The following MRPS28 variants were observed in gnomAD, a reference collection of about 807,000 sequenced individuals.
MRPS28 encodes the protein mitochondrial ribosomal protein S28.
Under a neutral mutation model 10.8 loss-of-function variants are expected in MRPS28, and 7 were observed. The ratio of observed to expected loss-of-function variants is 0.65; its 90% confidence interval spans 0.37 to 1.22. MRPS28 has a LOEUF of 1.22. MRPS28 is among the 50% of genes most tolerant of loss of function. The pLI, the probability that MRPS28 is intolerant of heterozygous loss-of-function variation, is 0.02. For synonymous variants in MRPS28, 121 were observed against 93.3 expected, an observed-to-expected ratio of 1.30 and a Z score of -1.71; for missense variants, 265 against 232.9, an observed-to-expected ratio of 1.14 and a Z score of -0.90.
chr8:79,997,872 C>T (rs962304312), intron 2 of MRPS28, among the ~76,000 whole-genome samples: 5 of 151,756 alleles, frequency 3.3e-5, no homozygotes, highest in African/African-American at 7.3e-5. Flanking sequence ...CTGGCCAACA[C>T]GGCAAAACCC....
At chr8:79,928,874 T>C (rs902613742) in intron 2 of MRPS28, among the ~76,000 whole-genome samples, 4 of 151,880 alleles carry the variant, frequency 2.6e-5, no homozygotes, top group Non-Finnish European at 5.9e-5. Flanking sequence ...AGTGAAACCC[T>C]GTCTCTACTA....
intron 2 of MRPS28, among the ~76,000 whole-genome samples, chr8:79,933,912 AC>A (rs1444218232): frequency 6.6e-6 from 1 of 152,230 alleles, no homozygotes; most frequent in Non-Finnish European, 1.5e-5. Context: ...TATTGTTTGC[AC>A]AGTTCATTTG....
intron 1 of MRPS28, among the ~76,000 whole-genome samples, chr8:80,010,640 T>C (rs932364115): frequency 2.0e-5 from 3 of 152,266 alleles, no homozygotes; most frequent in Admixed American, 1.3e-4. Context: ...TAAATACTTA[T>C]ATGCAGGGGG....
intron 2 of MRPS28, among the ~76,000 whole-genome samples, chr8:79,992,037 G>A (rs1027663493): frequency 6.6e-6 from 1 of 151,906 alleles, no homozygotes. Flanking sequence ...CATGTGCCAA[G>A]GAACTGAGGC....
chr8:79,968,282 C>T (rs368166673), intron 2 of MRPS28, among the ~76,000 whole-genome samples: 1 of 152,124 alleles, frequency 6.6e-6, no homozygotes. Flanking sequence ...CACATCCCTG[C>T]TTATAAGTCT....
intron 1 of MRPS28, among the ~76,000 whole-genome samples, chr8:80,028,390 T>C (rs1463932065): frequency 6.6e-6 from 1 of 152,046 alleles, no homozygotes; most frequent in Non-Finnish European, 1.5e-5. Flanking sequence ...CTAAAATCCA[T>C]CCCTTAGGTG....
At chr8:79,956,526 T>C (rs896149298) in intron 2 of MRPS28, 6 of 152,194 alleles carry the variant, frequency 3.9e-5, no homozygotes, top group African/African-American at 1.4e-4. Context: ...GAAGGTTTGT[T>C]ACATAGGTAA....
intron 1 of MRPS28, among the ~76,000 whole-genome samples, chr8:80,013,544 G>C (rs758707103): frequency 1.4e-5 from 2 of 141,804 alleles, no homozygotes; most frequent in Non-Finnish European, 3.0e-5. Flanking sequence ...TGAGGCAGGA[G>C]AATCACTTGA....
chr8:79,945,895 C>T (rs530143163), intron 2 of MRPS28, among the ~76,000 whole-genome samples: 1 of 152,192 alleles, frequency 6.6e-6, no homozygotes, highest in East Asian at 1.9e-4. Flanking sequence ...GTGCCAAATA[C>T]TATTTTAAGT....
chr8:80,019,322 C>T lies in MRPS28; in HGVS notation c.213+10714G>A, dbSNP rs115903555. On this transcript the variant is annotated intron_variant, in intron 1 of 2. Coordinates refer to ENST00000276585, the MANE Select transcript of MRPS28 (RefSeq NM_014018.3). ...TCGTGTGCCCCCTAAGCATATACACCTACTATGTACCCACAAAAATTAAAA... is the reference window on the plus strand; with the variant it reads ...TCGTGTGCCCCCTAAGCATATACACTTACTATGTACCCACAAAAATTAAAA... 3.0e-3 allele frequency among the ~76,000 whole-genome samples: 430 copies of T among 143,380 alleles called. 3 individuals are homozygous for T. The highest frequency in any genetic ancestry group is 0.01 in the African/African-American group (396 of 38,434). The allele number at this position is 143,380 out of a possible 152,430, so 94.1% of individuals were successfully genotyped here.
At chr8:79,979,803 C>T (rs975207473) in intron 2 of MRPS28, among the ~76,000 whole-genome samples, 1 of 149,008 alleles carries the variant, frequency 6.7e-6, no homozygotes, top group Admixed American at 6.9e-5. Context: ...AGCAGCCTTA[C>T]TGTACCATGC....
chr8:79,919,666 T>G (rs1345751437), intron 2 of MRPS28, among the ~76,000 whole-genome samples: 1 of 152,198 alleles, frequency 6.6e-6, no homozygotes, highest in Non-Finnish European at 1.5e-5. Context: ...CTTTAAAGAT[T>G]TTAAAACCAC....
chr8:79,987,579 A>G (rs1315817398), intron 2 of MRPS28, among the ~76,000 whole-genome samples: 1 of 152,220 alleles, frequency 6.6e-6, no homozygotes, highest in Non-Finnish European at 1.5e-5. Flanking sequence ...CAAATTTACA[A>G]GAAAAAATCA....
intron 2 of MRPS28, among the ~76,000 whole-genome samples, chr8:79,920,355 G>A (rs1385285626): frequency 1.3e-5 from 2 of 152,126 alleles, no homozygotes; most frequent in Admixed American, 1.3e-4. Context: ...AGATCCTTGA[G>A]GAATTGCCAC....
chr8:79,933,236 A>C (rs1806514278), intron 2 of MRPS28, among the ~76,000 whole-genome samples: 2 of 152,294 alleles, frequency 1.3e-5, no homozygotes, highest in East Asian at 3.9e-4. Context: ...GGCTCGGGCC[A>C]ATTCAATTTC....
At chr8:80,001,124 C>T (rs1808649830) in intron 2 of MRPS28, among the ~76,000 whole-genome samples, 1 of 152,220 alleles carries the variant, frequency 6.6e-6, no homozygotes, top group East Asian at 1.9e-4. Flanking sequence ...CAAAATATAT[C>T]TTTTTATAAA....
chr8:79,976,009 T>C (rs1807786479), intron 2 of MRPS28, among the ~76,000 whole-genome samples: 1 of 152,214 alleles, frequency 6.6e-6, no homozygotes, highest in African/African-American at 2.4e-5. Flanking sequence ...CATATGTTTA[T>C]TTGGGAAGGC....
intron 1 of MRPS28, among the ~76,000 whole-genome samples, chr8:80,018,250 C>T (rs543070073): frequency 9.1e-5 from 11 of 121,290 alleles, no homozygotes; most frequent in African/African-American, 2.9e-4. Flanking sequence ...GAGCCGAGAT[C>T]GTGCCACTGC....
In MRPS28 at chr8:80,030,178, C is replaced by G; in HGVS notation, c.71G>C (p.Arg24Thr). The change falls in exon 1 of 3, where the codon AGG (arginine) becomes ACG (threonine). Residue 24 changes from arginine to threonine, a missense_variant. By Grantham distance (71) the Arg-to-Thr change is moderately conservative (BLOSUM62 -1). Transcript: ENST00000276585. ...SHFLRVFLFF[R>T]PFRGVGTESG... ...CTCAGTGCCTACACCCCGAAAGGGC[C>G]TGAAGAAGAGAAACACTCGCAGAAA... 4 of 1,614,186 alleles carry G rather than the reference C, an allele frequency of 2.5e-6. No individual in the cohort carries two copies. The highest frequency in any genetic ancestry group is 2.5e-6 in the Non-Finnish European group (3 of 1,180,048).
Sources: gnomAD v4.1 joint callset for allele counts (sites outside exome capture counted in the v4.1 genomes callset) on GRCh38, gnomAD v4.1.1 for gene constraint, MANE v1.5 for transcripts, NCBI Gene and HGNC (gene_info 2026-07-23, HGNC 2026-07-21) for gene names.